The following LINGO2 variants were observed in gnomAD, a reference collection of about 807,000 sequenced individuals.
LINGO2 encodes leucine rich repeat and Ig domain containing 2.
A neutral mutation model predicts 30.6 loss-of-function variants in LINGO2; 14 were observed. The ratio of observed to expected loss-of-function variants is 0.46; its 90% CI spans 0.30 to 0.72. The LOEUF (loss-of-function observed/expected upper bound fraction) is 0.72, where lower values mean the gene tolerates loss of function less well. LINGO2 is among the 30% of genes least tolerant of loss of function. LINGO2 has a pLI of 0.07. For synonymous variants in LINGO2, 317 were observed against 288.5 expected (o/e 1.10, Z -1.00); for missense variants, 729 against 751.7 (o/e 0.97, Z 0.35).
chr9:28,307,259 G>A (rs1178157744), intron 3 of LINGO2, among the ~76,000 whole-genome samples: 2 of 152,214 alleles, frequency 1.3e-5, no homozygotes, highest in South Asian at 2.1e-4. Context: ...TCCCTGGGAT[G>A]CAAGGCTGGT....
intron 4 of LINGO2, among the ~76,000 whole-genome samples, chr9:28,262,129 C>CT (rs1175994937): frequency 5.9e-5 from 9 of 151,772 alleles, no homozygotes; most frequent in African/African-American, 2.4e-5. Flanking sequence ...TTTGTGCATG[C>CT]TTTTTTTAAA....
chr9:29,039,653 C>A, the LINGO2 span, among the ~76,000 whole-genome samples: 2 of 152,120 alleles, frequency 1.3e-5, no homozygotes, highest in African/African-American at 4.8e-5. Context: ...GCTACCCCGA[C>A]CTTTCTAACC....
At chr9:28,735,264 G>A in the LINGO2 span, among the ~76,000 whole-genome samples, 4 of 152,076 alleles carry the variant, frequency 2.6e-5, no homozygotes, top group South Asian at 2.1e-4. Context: ...CTTCTCTAGA[G>A]CTCAAAGTGA....
chr9:29,023,607 G>GAA, the LINGO2 span, among the ~76,000 whole-genome samples: 1 of 151,886 alleles, frequency 6.6e-6, no homozygotes, highest in Admixed American at 6.6e-5. Context: ...ATATAAAATT[G>GAA]TTTTAGGTAA....
the LINGO2 span, among the ~76,000 whole-genome samples, chr9:28,761,194 G>A: frequency 1.3e-5 from 2 of 151,848 alleles, no homozygotes; most frequent in African/African-American, 4.8e-5. Flanking sequence ...AAAAGGATAA[G>A]TTAATCCTAG....
intron 3 of LINGO2, among the ~76,000 whole-genome samples, chr9:28,341,932 C>G (rs1050482145): frequency 6.6e-6 from 1 of 152,082 alleles, no homozygotes; most frequent in Non-Finnish European, 1.5e-5. Flanking sequence ...CATTTACCAC[C>G]TTCTTTTTAT....
intron 1 of LINGO2, among the ~76,000 whole-genome samples, chr9:28,614,170 T>C (rs1010773859): frequency 3.9e-5 from 6 of 152,150 alleles, no homozygotes; most frequent in African/African-American, 1.2e-4. Flanking sequence ...GTAGTTACTA[T>C]ATTCTTTAAA....
the LINGO2 span, among the ~76,000 whole-genome samples, chr9:28,777,681 T>C: frequency 2.6e-5 from 4 of 152,270 alleles, no homozygotes; most frequent in East Asian, 7.7e-4. Context: ...CAGAAAGATC[T>C]TTTGGTCTAA....
At chr9:29,163,724 G>A in the LINGO2 span, among the ~76,000 whole-genome samples, 2 of 152,090 alleles carry the variant, frequency 1.3e-5, no homozygotes, top group African/African-American at 4.8e-5. Flanking sequence ...AATGATTCAG[G>A]ATTACAAATG....
In LINGO2 at chr9:28,552,924, G is replaced by A. The variant is rs7847252; in HGVS notation, c.-364-76899C>T. Among the ~76,000 whole-genome samples, 837 of 150,770 alleles carry A rather than the reference G, an allele frequency of 5.6e-3. 9 individuals are homozygous for A. The highest frequency in any genetic ancestry group is 0.019 in the African/African-American group (802 of 41,194). On this transcript the variant is annotated intron_variant, in intron 1 of 5. Coordinates refer to ENST00000379992, the Ensembl canonical transcript of LINGO2. ...TCTGTGTTCTTGTTTTCGAGATGAA[G>A]AACCTTTTCTCACATCTTTGAGGAT... is the stretch of plus-strand genomic sequence containing the variant.
At chr9:28,649,586 T>TAA (rs35133067) in intron 1 of LINGO2, among the ~76,000 whole-genome samples, 1 of 151,768 alleles carries the variant, frequency 6.6e-6, no homozygotes, top group Non-Finnish European at 1.5e-5. Flanking sequence ...TTAAATCAGT[T>TAA]AAAAAAATTT....
chr9:29,177,899 C>T, the LINGO2 span, among the ~76,000 whole-genome samples: 1 of 152,038 alleles, frequency 6.6e-6, no homozygotes, highest in Admixed American at 6.6e-5. Flanking sequence ...AAGCTCCACA[C>T]CTTCATAATC....
chr9:28,014,562 G>T, intron 4 of LINGO2, among the ~76,000 whole-genome samples: 1 of 78,822 alleles, frequency 1.3e-5, no homozygotes, highest in South Asian at 5.1e-4. Context: ...TTTTATCCAG[G>T]ATAAGACAAT....
intron 5 of LINGO2, among the ~76,000 whole-genome samples, chr9:28,003,124 T>C (rs1822047893): frequency 6.6e-6 from 1 of 152,154 alleles, no homozygotes; most frequent in South Asian, 2.1e-4. Context: ...CAATAAATGA[T>C]GTGGTAAGAA....
At chr9:28,489,733 T>TA (rs1247248808) in intron 1 of LINGO2, among the ~76,000 whole-genome samples, 2 of 150,874 alleles carry the variant, frequency 1.3e-5, no homozygotes, top group Non-Finnish European at 3.0e-5. Flanking sequence ...CTGTCTCGAC[T>TA]AAAAAAACAC....
chr9:28,880,659 G>C, the LINGO2 span, among the ~76,000 whole-genome samples: 2 of 149,004 alleles, frequency 1.3e-5, no homozygotes, highest in Non-Finnish European at 3.0e-5. Context: ...TGTGCTGAGG[G>C]GGACTGGTGA....
the LINGO2 span, among the ~76,000 whole-genome samples, chr9:28,951,543 G>T: frequency 2.6e-5 from 4 of 152,056 alleles, no homozygotes; most frequent in African/African-American, 9.7e-5. Context: ...AGCTTATTCT[G>T]ACCTGACAGA....
chr9:28,212,564 A>G (rs973079574), intron 4 of LINGO2, among the ~76,000 whole-genome samples: 6 of 151,438 alleles, frequency 4.0e-5, no homozygotes, highest in Non-Finnish European at 1.5e-5. Flanking sequence ...ATTCTTGTCT[A>G]TATACATATA....
chr9:28,053,002 G>A (rs1328872887), intron 4 of LINGO2, among the ~76,000 whole-genome samples: 1 of 152,064 alleles, frequency 6.6e-6, no homozygotes, highest in Non-Finnish European at 1.5e-5. Flanking sequence ...GGATAACAAG[G>A]TGACCAATAT....
Sources: gnomAD v4.1 joint callset for allele counts (sites outside exome capture counted in the v4.1 genomes callset) on GRCh38, gnomAD v4.1.1 for gene constraint, MANE v1.5 for transcripts, NCBI Gene and HGNC (gene_info 2026-07-23, HGNC 2026-07-21) for gene names.